The following EYS variants were observed in gnomAD, a reference collection of about 807,000 sequenced individuals.
The protein encoded by EYS is protein eyes shut homolog.
EYS carries 250 observed loss-of-function variants against 282.1 expected under a neutral mutation model. The observed-to-expected ratio is 0.89, with a 90% CI of 0.80 to 0.98. The LOEUF (loss-of-function observed/expected upper bound fraction) is 0.98, where lower values mean the gene tolerates loss of function less well. Among genes scored for constraint, EYS ranks in the 50% least tolerant of loss-of-function variants. The pLI is 0.00. For synonymous variants in EYS, 1,355 were observed against 1,282.9 expected, an observed-to-expected ratio of 1.06 and a Z score of -1.20; for missense variants, 4,016 against 3,709.0, an observed-to-expected ratio of 1.08 and a Z score of -2.15.
rs1366647359 is a variant in EYS, at chr6:65,060,786, A to G, written c.2024-3059T>C. 1.0e-3 allele frequency among the ~76,000 whole-genome samples: 117 copies of G among 114,814 alleles called. 1 individual carries two copies. The highest frequency in any genetic ancestry group is 3.6e-3 in the Admixed American group (38 of 10,558). 75.3% of individuals were successfully genotyped at this position (114,814 alleles called of 152,430 possible). A position where few individuals can be genotyped will look rare whatever the true frequency, so the allele number is the denominator to read the frequency against. ...TATACATGTGTATATATATGTGTAT[A>G]TATATATATATATATACACACACAT... On this transcript the variant is annotated intron_variant, in intron 12 of 42. Transcript: ENST00000503581.
intron 5 of EYS, among the ~76,000 whole-genome samples, chr6:65,443,412 A>T: frequency 6.7e-6 from 1 of 149,014 alleles, no homozygotes; most frequent in East Asian, 2.0e-4. Context: ...GTACACATAT[A>T]GCCATATATG....
intron 35 of EYS, among the ~76,000 whole-genome samples, chr6:63,959,276 G>C (rs1765955767): frequency 6.6e-6 from 1 of 152,114 alleles, no homozygotes; most frequent in South Asian, 2.1e-4. Flanking sequence ...CAACATCACT[G>C]ATAATCAGAG....
intron 22 of EYS, among the ~76,000 whole-genome samples, chr6:64,669,632 T>A (rs924086687): frequency 6.6e-6 from 1 of 152,234 alleles, no homozygotes; most frequent in Non-Finnish European, 1.5e-5. Flanking sequence ...CTTTAATAAG[T>A]GCAAATCTCT....
At chr6:64,418,082 A>G (rs1774116074) in intron 28 of EYS, among the ~76,000 whole-genome samples, 1 of 152,118 alleles carries the variant, frequency 6.6e-6, no homozygotes, top group Admixed American at 6.6e-5. Context: ...CATAGGAGAA[A>G]TTTTAGGGGA....
chr6:64,620,871 G>A (rs934500703), intron 23 of EYS, among the ~76,000 whole-genome samples: 6 of 151,928 alleles, frequency 3.9e-5, no homozygotes, highest in Non-Finnish European at 7.4e-5. Context: ...AAATTATTAT[G>A]GTGTTAAACT....
intron 11 of EYS, among the ~76,000 whole-genome samples, chr6:65,327,198 G>A (rs1769646354): frequency 6.6e-6 from 1 of 151,528 alleles, no homozygotes; most frequent in Admixed American, 6.6e-5. Flanking sequence ...TATCAAGTCT[G>A]TAGTTCCAGC....
chr6:64,855,460 G>T (rs1172218212), intron 19 of EYS, among the ~76,000 whole-genome samples: 1 of 151,218 alleles, frequency 6.6e-6, no homozygotes, highest in East Asian at 1.9e-4. Flanking sequence ...TTGTTATTTT[G>T]TATTGAGTAT....
At chr6:64,448,070 T>A (rs905332046) in intron 26 of EYS, among the ~76,000 whole-genome samples, 1 of 152,228 alleles carries the variant, frequency 6.6e-6, no homozygotes, top group African/African-American at 2.4e-5. Context: ...TTACCTCATC[T>A]GGGAAGCGCA....
intron 22 of EYS, among the ~76,000 whole-genome samples, chr6:64,776,783 G>A (rs1773690986): frequency 1.3e-5 from 2 of 152,044 alleles, no homozygotes; most frequent in Admixed American, 6.6e-5. Flanking sequence ...TAAAATAGTT[G>A]ACACTTGCTG....
chr6:64,607,204 T>C (rs1014744029), intron 24 of EYS, among the ~76,000 whole-genome samples: 1 of 152,020 alleles, frequency 6.6e-6, no homozygotes, highest in Non-Finnish European at 1.5e-5. Flanking sequence ...AGAATTTAAT[T>C]ATTTCTAGAA....
intron 35 of EYS, among the ~76,000 whole-genome samples, chr6:63,894,573 T>TTTG (rs1317520035): frequency 0.059 from 8,897 of 151,344 alleles, 390 homozygotes; most frequent in Non-Finnish European, 0.09. Context: ...TGTTGTTTTT[T>TTTG]TTTGTTTGTT....
At chr6:65,156,524 A>T (rs1239814886) in intron 12 of EYS, among the ~76,000 whole-genome samples, 1 of 151,026 alleles carries the variant, frequency 6.6e-6, no homozygotes, top group African/African-American at 2.4e-5. Context: ...TCAGTTAACA[A>T]ATTTGACCAT....
At chr6:63,967,528 C>T (rs978846632) in intron 35 of EYS, among the ~76,000 whole-genome samples, 1 of 152,168 alleles carries the variant, frequency 6.6e-6, no homozygotes, top group Non-Finnish European at 1.5e-5. Flanking sequence ...GAGGAATTTA[C>T]TTCTCTCTGA....
At chr6:65,550,157 T>C (rs1768561542) in intron 2 of EYS, among the ~76,000 whole-genome samples, 7 of 8,538 alleles carry the variant, frequency 8.2e-4, no homozygotes, top group East Asian at 8.6e-3. Flanking sequence ...TTTTTTTTTT[T>C]TTTTTTTTTT....
chr6:64,981,291 C>A (rs1770656973), intron 14 of EYS, among the ~76,000 whole-genome samples: 1 of 151,334 alleles, frequency 6.6e-6, no homozygotes, highest in Non-Finnish European at 1.5e-5. Flanking sequence ...AAACTTAAGT[C>A]ATATTTTGTC....
At chr6:63,767,018 A>G (rs1386613507) in intron 40 of EYS, among the ~76,000 whole-genome samples, 1 of 152,136 alleles carries the variant, frequency 6.6e-6, no homozygotes, top group Non-Finnish European at 1.5e-5. Context: ...AAAGACTTTG[A>G]TAAAATTCAA....
In EYS at chr6:65,383,596, A is replaced by T. The variant is rs149288122; in HGVS notation, c.1299+790T>A. On this transcript the variant is annotated intron_variant, in intron 8 of 42. Transcript: ENST00000503581. The stretch of plus-strand genomic sequence containing the variant: ...TCAAAAAAATTATTTTTTGAAAAAA[A>T]AAAGCTTTGCAGAAACATTGGAAGT... Among the ~76,000 whole-genome samples, 616 of 151,596 alleles carry T rather than the reference A, an allele frequency of 4.1e-3. 5 individuals carry two copies. The highest frequency in any genetic ancestry group is 0.014 in the African/African-American group (581 of 41,436).
At chr6:64,636,104 G>A (rs1344297336) in intron 22 of EYS, among the ~76,000 whole-genome samples, 2 of 152,032 alleles carry the variant, frequency 1.3e-5, no homozygotes, top group African/African-American at 2.4e-5. Context: ...AAGTTCATAT[G>A]GAACCAAAAA....
chr6:64,944,715 C>T (rs771983806), intron 15 of EYS, among the ~76,000 whole-genome samples: 5 of 151,984 alleles, frequency 3.3e-5, no homozygotes, highest in African/African-American at 4.8e-5. Flanking sequence ...GCCACTGTCT[C>T]CTGCCTGTCC....
Sources: gnomAD v4.1 joint callset for allele counts (sites outside exome capture counted in the v4.1 genomes callset) on GRCh38, gnomAD v4.1.1 for gene constraint, MANE v1.5 for transcripts, NCBI Gene and HGNC (gene_info 2026-07-23, HGNC 2026-07-21) for gene names.